The following MAJIN variants were observed in gnomAD, a reference collection of about 807,000 sequenced individuals.
MAJIN encodes membrane-anchored junction protein.
In MAJIN, 27 loss-of-function variants were observed where a neutral mutation model predicts 30.2. The ratio of observed to expected loss-of-function variants is 0.89; its 90% CI spans 0.66 to 1.23. The LOEUF is 1.23. MAJIN is among the 50% of genes most tolerant of loss of function. The pLI is 0.00. For missense variants in MAJIN, 253 were observed against 260.3 expected, an observed-to-expected ratio of 0.97 and a Z score of 0.19; for synonymous variants, 78 against 91.6, an observed-to-expected ratio of 0.85 and a Z score of 0.85.
intron 3 of MAJIN, among the ~76,000 whole-genome samples, chr11:64,955,993 CCT>C (rs1396234154): frequency 2.0e-5 from 3 of 152,108 alleles, no homozygotes; most frequent in Non-Finnish European, 4.4e-5. Flanking sequence ...GTGGTGAAAC[CCT>C]GTCTCTACTA....
At chr11:64,954,702 G>A (rs369821724) in intron 4 of MAJIN, 55 bp downstream of exon 4, 2 of 1,541,082 alleles carry the variant, frequency 1.3e-6, no homozygotes, top group Admixed American at 1.7e-5. Context: ...AAACCTGAAT[G>A]TGGATGCATC....
chr11:64,959,289 C>T lies in MAJIN; in HGVS notation c.101+16G>A. 1.3e-6 allele frequency: 2 copies of T among 1,598,254 alleles called. No individual in the cohort carries two copies. Among genetic ancestry groups the T allele is most frequent in the South Asian group, 2.2e-5 (2 of 90,730 alleles). Reference sequence around the variant, plus strand: ...ACTGGTGTTTGCATAGGCTACCCTCCTACCTTTGAAATTACCTGATACTCT... The same window carrying T: ...ACTGGTGTTTGCATAGGCTACCCTCTTACCTTTGAAATTACCTGATACTCT... On this transcript the variant is annotated intron_variant, in intron 3 of 10. Transcript: ENST00000301896.
At chr11:64,965,596 C>G (rs971914212) in intron 1 of MAJIN, among the ~76,000 whole-genome samples, 2 of 152,148 alleles carry the variant, frequency 1.3e-5, no homozygotes, top group Non-Finnish European at 2.9e-5. Context: ...AATGCAATAG[C>G]GTCTCACCTC....
chr11:64,939,596 C>A, intron 10 of MAJIN, 66 bp downstream of exon 10: 1 of 1,396,396 alleles, frequency 7.2e-7, no homozygotes, highest in Admixed American at 1.9e-5. Context: ...TCTAATTTCC[C>A]TGAAAGACTC....
intron 1 of MAJIN, among the ~76,000 whole-genome samples, chr11:64,968,221 TA>T (rs964573333): frequency 2.8e-4 from 42 of 152,284 alleles, no homozygotes; most frequent in African/African-American, 7.5e-4. Context: ...AAGGATTTTA[TA>T]AAGGGGAGAT....
At chr11:64,953,965 G>A (rs1303753447) in intron 4 of MAJIN, 1 of 152,868 alleles carries the variant, frequency 6.5e-6, no homozygotes, top group Non-Finnish European at 1.5e-5. Flanking sequence ...GTTTCACAGA[G>A]TTTTGTGTTT....
Position 64,938,453 on chromosome 11 carries a change from G to A in MAJIN, c.*122C>T. The stretch of plus-strand genomic sequence containing the variant: ...TGAAGTGTCATAAGAAAAGGATAGA[G>A]TTGGAGGAAGAATGGCTCGGGAGGA... On this transcript the variant is annotated 3_prime_UTR_variant, in exon 11 of 11. Transcript: ENST00000301896. 1 of 1,457,678 alleles carries A rather than the reference G, an allele frequency of 6.9e-7. No homozygotes were observed. The highest frequency in any genetic ancestry group is 9.3e-7 in the Non-Finnish European group (1 of 1,076,084). 90.3% of individuals were successfully genotyped at this position (1,457,678 alleles called of 1,614,324 possible).
At chr11:64,958,598 GAAAA>G (rs202169389) in intron 3 of MAJIN, among the ~76,000 whole-genome samples, 1 of 102,518 alleles carries the variant, frequency 9.8e-6, no homozygotes. Flanking sequence ...TGTCTTGGGA[GAAAA>G]AAAAAAAAAA....
intron 1 of MAJIN, among the ~76,000 whole-genome samples, chr11:64,961,807 G>A (rs1190804600): frequency 1.4e-5 from 2 of 138,212 alleles, no homozygotes; most frequent in Non-Finnish European, 1.5e-5. Flanking sequence ...TTTTTTTTAA[G>A]AGACAGGGTC....
At chr11:64,940,468 C>T (rs1353432088) in intron 9 of MAJIN, 106 bp downstream of exon 9, 2 of 1,152,116 alleles carry the variant, frequency 1.7e-6, no homozygotes, top group African/African-American at 1.5e-5. Flanking sequence ...GCACATTACC[C>T]ACTGAGGGCA....
In MAJIN at chr11:64,940,624, T is replaced by C. The variant is rs992872615; in HGVS notation, c.496A>G (p.Lys166Glu). 4 of 1,614,092 alleles carry C rather than the reference T, an allele frequency of 2.5e-6. No individual in the cohort carries two copies. Among genetic ancestry groups the C allele is most frequent in the Admixed American group, 1.7e-5 (1 of 60,024 alleles). ...AGAGGCCAGAGTCTCCTGCAATCCTTGTTGGGTTTTTCTTTCCCTATTCTG... is the reference window on the plus strand; with the variant it reads ...AGAGGCCAGAGTCTCCTGCAATCCTCGTTGGGTTTTTCTTTCCCTATTCTG... Reference protein sequence around the residue: ...LDRIGKEKPNKDCRRLWPLIS... With the variant: ...LDRIGKEKPNEDCRRLWPLIS... The change falls in exon 9 of 11, where the codon AAG (lysine) becomes GAG (glutamate). Residue 166 changes from lysine to glutamate, a missense_variant. By Grantham distance (56) the Lys-to-Glu change is moderately conservative (BLOSUM62 1). Transcript: ENST00000301896.
chr11:64,951,314 G>T lies in MAJIN; in HGVS notation c.148-884C>A, dbSNP rs1028779668. ...TTTTCACTCACTTTAAATTTTAATC[G>T]ATTAGTCCCTAATTAAGCTATATGC... On this transcript the variant is annotated intron_variant, in intron 4 of 10. Coordinates refer to ENST00000301896, the MANE Select transcript of MAJIN (RefSeq NM_001037225.3). Among the ~76,000 whole-genome samples the T allele has an allele frequency of 7.9e-5, 12 of 152,090 alleles. No individual in the cohort carries two copies. The East Asian group carries it at 1.4e-3, about 17-fold the overall frequency.
chr11:64,966,929 C>CAAAAAAAAAAA (rs111480545), intron 1 of MAJIN, among the ~76,000 whole-genome samples: 1 of 69,584 alleles, frequency 1.4e-5, no homozygotes. Context: ...ATGACTGTCT[C>CAAAAAAAAAAA]AAAAAAAAAA....
chr11:64,961,467 ATTTTTTTTTTTT>A (rs36053356), intron 1 of MAJIN, among the ~76,000 whole-genome samples: 14 of 59,152 alleles, frequency 2.4e-4, no homozygotes, highest in Admixed American at 5.6e-4. Flanking sequence ...GTGCCCGGCA[ATTTTTTTTTTTT>A]TTTTTTTTTT....
At chr11:64,971,610 C>T (rs1439008197) in intron 1 of MAJIN, among the ~76,000 whole-genome samples, 1 of 151,902 alleles carries the variant, frequency 6.6e-6, no homozygotes. Flanking sequence ...AGGCCTGGAG[C>T]CCCCCGGTCT....
Position 64,950,418 on chromosome 11 carries a change from C to G in MAJIN, c.160G>C (p.Val54Leu), listed in dbSNP as rs376771758. The G allele has an allele frequency of 6.2e-7, 1 of 1,613,142 alleles. No homozygotes were observed. Among genetic ancestry groups the G allele is most frequent in the Admixed American group, 1.7e-5 (1 of 59,938 alleles). The change falls in exon 5 of 11, where the codon GTG (valine) becomes CTG (leucine). Residue 54 changes from valine (V) to leucine (L), a missense_variant. Physicochemically the swap from Val to Leu is conservative, Grantham distance 32. Transcript: ENST00000301896. ...ITQELEDSVR[V>L]VLGNLDNLQP... ...AGATTGTCCAAGTTTCCCAAGACCA[C>G]GCGGACAGAATCCTGAAAAACATAT...
At chr11:64,941,572 G>A (rs1296644020) in intron 8 of MAJIN, among the ~76,000 whole-genome samples, 3 of 152,232 alleles carry the variant, frequency 2.0e-5, no homozygotes, top group African/African-American at 4.8e-5. Flanking sequence ...CAGGAGAATC[G>A]CTTGAACCCA....
intron 8 of MAJIN, among the ~76,000 whole-genome samples, chr11:64,941,270 C>T (rs1173951626): frequency 6.6e-6 from 1 of 152,188 alleles, no homozygotes; most frequent in Non-Finnish European, 1.5e-5. Context: ...TTACCAAGGA[C>T]AGAACACTGA....
At chr11:64,951,323 C>T (rs1007407665) in intron 4 of MAJIN, among the ~76,000 whole-genome samples, 5 of 152,078 alleles carry the variant, frequency 3.3e-5, no homozygotes, top group Non-Finnish European at 4.4e-5. Flanking sequence ...CGATTAGTCC[C>T]TAATTAAGCT....
Sources: gnomAD v4.1 joint callset for allele counts (sites outside exome capture counted in the v4.1 genomes callset) on GRCh38, gnomAD v4.1.1 for gene constraint, MANE v1.5 for transcripts, NCBI Gene and HGNC (gene_info 2026-07-23, HGNC 2026-07-21) for gene names.